R3HCC1L: variants seen among roughly 807,000 people sequenced by gnomAD.
R3HCC1L encodes the protein coiled-coil domain-containing protein R3HCC1L.
In R3HCC1L, 51 loss-of-function variants were observed where a neutral mutation model predicts 59.9. That is an observed-to-expected ratio of 0.85 (90% CI 0.68 to 1.07). The LOEUF (loss-of-function observed/expected upper bound fraction) is 1.07. Among genes scored for constraint, R3HCC1L ranks in the 50% least tolerant of loss-of-function variants. The pLI is 0.00. For synonymous variants in R3HCC1L, 322 were observed against 315.2 expected (o/e 1.02, Z -0.23); for missense variants, 965 against 933.0 (o/e 1.03, Z -0.45).
intron 5 of R3HCC1L, among the ~76,000 whole-genome samples, chr10:98,216,615 C>T (rs1460653199): frequency 6.6e-6 from 1 of 152,066 alleles, no homozygotes; most frequent in Non-Finnish European, 1.5e-5. Context: ...CTTTGTTGCC[C>T]AGGCTAGAGT....
chr10:98,231,673 T>G lies in R3HCC1L; in HGVS notation c.1947T>G (p.Val649=). The G allele has an allele frequency of 6.2e-7, 1 of 1,609,200 alleles. No individual in the cohort carries two copies. The highest frequency in any genetic ancestry group is 8.5e-7 in the Non-Finnish European group (1 of 1,176,940). Residue 649 remains valine, a synonymous_variant, in exon 6 of 10, where the codon GTT becomes GTG. Transcript: ENST00000298999. ...QEFHTEDLLR[V]FCSYQKKGFD... is the part of the protein sequence containing the mutation. Reference sequence around the variant, plus strand: ...TTCATACTGAAGACCTTCTACGGGTTTTCTGCAGTTATCAGTGAGTATGCA... The same window carrying G: ...TTCATACTGAAGACCTTCTACGGGTGTTCTGCAGTTATCAGTGAGTATGCA...
chr10:98,182,779 G>A (rs913379250), intron 4 of R3HCC1L, among the ~76,000 whole-genome samples: 13 of 152,120 alleles, frequency 8.5e-5, no homozygotes, highest in African/African-American at 2.2e-4. Flanking sequence ...CTGCTGCCTC[G>A]CAGTTCGATC....
chr10:98,158,052 G>A (rs1847051899), intron 2 of R3HCC1L, among the ~76,000 whole-genome samples: 1 of 152,128 alleles, frequency 6.6e-6, no homozygotes, highest in Non-Finnish European at 1.5e-5. Flanking sequence ...CCACAAAAAT[G>A]TTACGTCTGT....
intron 1 of R3HCC1L, among the ~76,000 whole-genome samples, chr10:98,145,595 C>T (rs1404091250): frequency 6.6e-6 from 1 of 152,210 alleles, no homozygotes; most frequent in Non-Finnish European, 1.5e-5. Flanking sequence ...TTTATTCTAG[C>T]AAATAAATGT....
intron 4 of R3HCC1L, among the ~76,000 whole-genome samples, chr10:98,204,910 G>A (rs1259759849): frequency 1.3e-5 from 2 of 152,020 alleles, no homozygotes; most frequent in Admixed American, 1.3e-4. Flanking sequence ...CATATCTGCC[G>A]CAGATAAGAG....
In R3HCC1L at chr10:98,235,534, C is replaced by G. The variant is rs770160464; in HGVS notation, c.2128+14C>G. On this transcript the variant is annotated intron_variant, in intron 8 of 9. Coordinates refer to ENST00000298999, the MANE Select transcript of R3HCC1L (RefSeq NM_001351015.2). ...GAGCTTATGCTGGTGAGTCTATAAT[C>G]TCTGGGTTTTTTTCTTGCTGATGGT... 3 of 1,587,288 alleles carry G rather than the reference C, an allele frequency of 1.9e-6. No homozygotes were observed. The South Asian group carries it at 3.5e-5, about 18-fold the overall frequency.
intron 1 of R3HCC1L, among the ~76,000 whole-genome samples, chr10:98,143,171 G>A (rs1327411243): frequency 1.3e-5 from 2 of 152,190 alleles, no homozygotes; most frequent in African/African-American, 2.4e-5. Context: ...GAGATTATTA[G>A]CTTGTTTTGG....
At chr10:98,140,689 G>A (rs1845054132) in intron 1 of R3HCC1L, among the ~76,000 whole-genome samples, 1 of 152,034 alleles carries the variant, frequency 6.6e-6, no homozygotes, top group African/African-American at 2.4e-5. Flanking sequence ...CTAGGAAAGG[G>A]AAAATAAACA....
chr10:98,180,137 A>G (rs1239091262), intron 4 of R3HCC1L, among the ~76,000 whole-genome samples: 1 of 151,650 alleles, frequency 6.6e-6, no homozygotes, highest in Non-Finnish European at 1.5e-5. Context: ...TAGTTCTTTT[A>G]CTTGTTATGT....
At chr10:98,237,660 C>T (rs1857104957) in intron 9 of R3HCC1L, among the ~76,000 whole-genome samples, 2 of 151,996 alleles carry the variant, frequency 1.3e-5, no homozygotes, top group Admixed American at 6.6e-5. Flanking sequence ...GAATAGAGAC[C>T]CACTGTGATA....
chr10:98,169,021 G>T (rs1848234989), intron 4 of R3HCC1L, among the ~76,000 whole-genome samples: 1 of 152,198 alleles, frequency 6.6e-6, no homozygotes, highest in Non-Finnish European at 1.5e-5. Flanking sequence ...GCTTTTGAGG[G>T]TGAGGCAAGG....
chr10:98,160,498 G>A (rs959657379), intron 2 of R3HCC1L, among the ~76,000 whole-genome samples: 1 of 152,080 alleles, frequency 6.6e-6, no homozygotes, highest in Non-Finnish European at 1.5e-5. Context: ...AATTACATAT[G>A]TGGCTCCATT....
intron 4 of R3HCC1L, among the ~76,000 whole-genome samples, chr10:98,181,182 C>T (rs898029135): frequency 5.3e-5 from 8 of 152,160 alleles, no homozygotes; most frequent in Non-Finnish European, 8.8e-5. Context: ...TTGTTCCTTT[C>T]CATGTTTGGT....
At chr10:98,219,497 C>CT (rs1257808896) in intron 5 of R3HCC1L, among the ~76,000 whole-genome samples, 1 of 152,080 alleles carries the variant, frequency 6.6e-6, no homozygotes, top group Non-Finnish European at 1.5e-5. Context: ...TTTTCTGTAT[C>CT]TTTTGTTTCT....
intron 1 of R3HCC1L, among the ~76,000 whole-genome samples, chr10:98,141,326 A>G (rs1440177999): frequency 6.6e-6 from 1 of 152,196 alleles, no homozygotes; most frequent in Non-Finnish European, 1.5e-5. Context: ...TAAGCCTCCT[A>G]AGTAGAAACT....
At chr10:98,183,958 G>GTTTTTTTTTTTTTTTTTTTTTTTTT (rs71007380) in intron 4 of R3HCC1L, among the ~76,000 whole-genome samples, 12 of 126,556 alleles carry the variant, frequency 9.5e-5, no homozygotes, top group African/African-American at 3.3e-4. Context: ...TCCTTTTTCG[G>GTTTTTTTTTTTTTTTTTTTTTTTTT]TTTTTTTTTT....
intron 4 of R3HCC1L, among the ~76,000 whole-genome samples, chr10:98,198,931 T>C (rs9420727): frequency 0.32 from 48,815 of 152,030 alleles, 8,006 homozygotes; most frequent in East Asian, 0.48. Flanking sequence ...CTCTAGAAGC[T>C]ACTTTAAAAA....
chr10:98,142,518 G>A (rs2133884309), intron 1 of R3HCC1L, among the ~76,000 whole-genome samples: 1 of 152,074 alleles, frequency 6.6e-6, no homozygotes, highest in East Asian at 1.9e-4. Flanking sequence ...TGTGTCTGTA[G>A]TCCCAGCTAC....
At chr10:98,191,742 A>G (rs910186662) in intron 4 of R3HCC1L, among the ~76,000 whole-genome samples, 13 of 152,244 alleles carry the variant, frequency 8.5e-5, no homozygotes, top group East Asian at 1.9e-4. Flanking sequence ...TATGTCCTGA[A>G]TGGTATTGCC....
Sources: allele counts gnomAD v4.1 joint callset (sites outside exome capture counted in the v4.1 genomes callset), GRCh38; gene constraint gnomAD v4.1.1; transcripts MANE v1.5; gene names NCBI Gene and HGNC (gene_info 2026-07-23, HGNC 2026-07-21).